ATP6V0A1: variants seen among roughly 807,000 people sequenced by gnomAD.
The protein encoded by ATP6V0A1 is ATPase H+ transporting V0 subunit a1.
A neutral mutation model predicts 105.4 loss-of-function variants in ATP6V0A1; 43 were observed. That is an observed-to-expected ratio of 0.41 (90% confidence interval 0.32 to 0.53). The LOEUF (loss-of-function observed/expected upper bound fraction) is 0.53. ATP6V0A1 is among the 20% of genes least tolerant of loss of function. ATP6V0A1 has a pLI of 0.30. For synonymous variants in ATP6V0A1, 362 were observed against 372.8 expected (o/e 0.97, Z 0.33); for missense variants, 676 against 1,051.1 (o/e 0.64, Z 4.93).
chr17:42,461,822 A>T (rs1228279957), intron 2 of ATP6V0A1, among the ~76,000 whole-genome samples: 1 of 152,152 alleles, frequency 6.6e-6, no homozygotes, highest in African/African-American at 2.4e-5. Flanking sequence ...GCAGTTCTTC[A>T]TCTGGTCCTA....
intron 14 of ATP6V0A1, among the ~76,000 whole-genome samples, chr17:42,497,617 G>A (rs1332507335): frequency 4.6e-5 from 7 of 151,072 alleles, no homozygotes; most frequent in Admixed American, 4.6e-4. Context: ...AGGTTGTAGC[G>A]AGCCGAGATC....
chr17:42,520,964 G>A, intron 21 of ATP6V0A1, 63 bp from the exon 22 acceptor site: 1 of 1,424,738 alleles, frequency 7.0e-7, no homozygotes. Context: ...GCCCAACTGT[G>A]AAGTCCTAAA....
intron 21 of ATP6V0A1, among the ~76,000 whole-genome samples, chr17:42,515,785 T>C (rs2092598596): frequency 6.6e-6 from 1 of 152,134 alleles, no homozygotes; most frequent in Non-Finnish European, 1.5e-5. Context: ...TGAAACTCGG[T>C]CTCAAAAAAT....
intron 17 of ATP6V0A1, 152 bp from the exon 18 acceptor site, chr17:42,507,368 G>A: frequency 1.7e-6 from 1 of 590,638 alleles, no homozygotes; most frequent in East Asian, 3.0e-5. Flanking sequence ...ACAGTTGTTT[G>A]ATTTTACTTA....
chr17:42,461,769 C>CAA (rs2086434567), intron 2 of ATP6V0A1, among the ~76,000 whole-genome samples: 1 of 152,016 alleles, frequency 6.6e-6, no homozygotes, highest in South Asian at 2.1e-4. Context: ...GACTCCGTCT[C>CAA]AAACAACAAC....
intron 19 of ATP6V0A1, among the ~76,000 whole-genome samples, chr17:42,509,386 G>A (rs1599087258): frequency 6.6e-6 from 1 of 152,068 alleles, no homozygotes; most frequent in Non-Finnish European, 1.5e-5. Flanking sequence ...TCTTCCCCCA[G>A]CACTTCTCTC....
intron 5 of ATP6V0A1, among the ~76,000 whole-genome samples, chr17:42,477,385 A>AT (rs1475429823): frequency 6.6e-6 from 1 of 151,848 alleles, no homozygotes; most frequent in Admixed American, 6.6e-5. Context: ...CCATCACTTA[A>AT]TTTTTTTTCC....
At position 42,499,041 on chromosome 17, in the gene ATP6V0A1, A is replaced by G. The variant is rs975275755; in HGVS notation, c.1678A>G (p.Ile560Val). The change falls in exon 15 of 22, where the codon ATC becomes GTC. Residue 560 changes from isoleucine to valine, a missense_variant and splice_region_variant. Physicochemically the swap from Ile to Val is conservative, Grantham distance 29. This residue lies in a region of ATP6V0A1 where 435 missense variants were observed against 642.2 expected (regional missense o/e 0.68). Coordinates refer to ENST00000343619, the MANE Select transcript of ATP6V0A1 (RefSeq NM_001130021.3). ...AGTCAGCCTGAGTCTGTTCAACCAT[A>G]TGTGAGTTGTTCCATTTCTGTCATA... is the stretch of plus-strand genomic sequence containing the variant. ...FGVSLSLFNH[I>V]YFKKPLNIYF... 2.5e-6 allele frequency: 4 copies of G among 1,581,816 alleles called. No homozygotes were observed. Among genetic ancestry groups the G allele is most frequent in the Non-Finnish European group, 3.5e-6 (4 of 1,152,392 alleles).
At chr17:42,467,379 A>G (rs971308226) in intron 3 of ATP6V0A1, among the ~76,000 whole-genome samples, 8 of 152,304 alleles carry the variant, frequency 5.3e-5, no homozygotes, top group Middle Eastern at 6.8e-3. Context: ...TCAAAAGTCC[A>G]TGATCTTGCC....
chr17:42,495,830 T>C, intron 14 of ATP6V0A1, 114 bp downstream of exon 14: 4 of 923,358 alleles, frequency 4.3e-6, no homozygotes, highest in Non-Finnish European at 6.7e-6. Context: ...GCATGGTCGC[T>C]CATGCCTGTA....
At position 42,495,058 on chromosome 17, in the gene ATP6V0A1, C is replaced by T. The variant is rs867971055; in HGVS notation, c.1339C>T (p.Arg447Ter). Reference sequence around the variant, plus strand: ...GATGTTTAGCACTGTGTTCAGTGGTCGATACATTATTTTATTGATGGGTGT... The same window carrying T: ...GATGTTTAGCACTGTGTTCAGTGGTTGATACATTATTTTATTGATGGGTGT... ...NEMFSTVFSG[R>*]YIILLMGVFS... The change falls in exon 13 of 22, where the codon CGA (arginine) becomes TGA (stop). Residue 447 changes from arginine (R) to a stop codon, truncating the protein, a stop_gained. Coordinates refer to ENST00000343619, the MANE Select transcript of ATP6V0A1 (RefSeq NM_001130021.3). LOFTEE classifies it high-confidence loss of function. The T allele has an allele frequency of 6.2e-7, 1 of 1,613,924 alleles. No individual in the cohort carries two copies.
At chr17:42,489,387 A>G (rs1041082447) in intron 10 of ATP6V0A1, among the ~76,000 whole-genome samples, 1 of 152,066 alleles carries the variant, frequency 6.6e-6, no homozygotes, top group African/African-American at 2.4e-5. Context: ...GGCTCAAAGC[A>G]GTTTTAAAAG....
chr17:42,473,304 G>C (rs1424063979), intron 5 of ATP6V0A1, among the ~76,000 whole-genome samples: 1 of 152,158 alleles, frequency 6.6e-6, no homozygotes, highest in Non-Finnish European at 1.5e-5. Context: ...TAATGAACCT[G>C]GAATTCCAGC....
At chr17:42,476,929 C>T (rs1401634973) in intron 5 of ATP6V0A1, among the ~76,000 whole-genome samples, 1 of 152,160 alleles carries the variant, frequency 6.6e-6, no homozygotes, top group Non-Finnish European at 1.5e-5. Flanking sequence ...TATGTTTTTA[C>T]AGGCCTGCCC....
chr17:42,480,942 G>T lies in ATP6V0A1; in HGVS notation c.716+193G>T, dbSNP rs8080161. The T allele has an allele frequency of 1.6e-3, 715 of 456,244 alleles. 7 individuals are homozygous for T. Among genetic ancestry groups the T allele is most frequent in the African/African-American group, 0.013 (653 of 48,508 alleles). The allele number at this position is 456,244 out of a possible 1,614,324, so 28.3% of individuals were successfully genotyped here. A position where few individuals can be genotyped will look rare whatever the true frequency, so the allele number is the denominator to read the frequency against. ...TTATTTTTATTTTTGTTGTTCAGAT[G>T]GGGGGGTCTCACTCTGTTGCCCAGG... On this transcript the variant is annotated intron_variant, in intron 8 of 21. Coordinates refer to ENST00000343619, the MANE Select transcript of ATP6V0A1 (RefSeq NM_001130021.3).
At position 42,500,565 on chromosome 17, in the gene ATP6V0A1, C is replaced by T. The variant is rs192630600; in HGVS notation, c.1680-142C>T. 3.9e-3 allele frequency: 2,580 copies of T among 666,098 alleles called. 16 individuals are homozygous for T. The highest frequency in any genetic ancestry group is 8.7e-3 in the Middle Eastern group (21 of 2,408). The allele number at this position is 666,098 out of a possible 1,614,324, so 41.3% of individuals were successfully genotyped here. A position where few individuals can be genotyped will look rare whatever the true frequency, so the allele number is the denominator to read the frequency against. ...AATCCTGCATTGTCTCTGTTGTCTC[C>T]AGCTTCTGGTTGCTGCTGCTTAAAG... On this transcript the variant is annotated intron_variant, in intron 15 of 21. Transcript: ENST00000343619.
chr17:42,480,185 C>G (rs548774214), intron 7 of ATP6V0A1: 1 of 152,378 alleles, frequency 6.6e-6, no homozygotes, highest in East Asian at 1.9e-4. Flanking sequence ...TTACCTTCCT[C>G]CCTGCCCCAT....
intron 11 of ATP6V0A1, among the ~76,000 whole-genome samples, chr17:42,491,746 G>T (rs892564742): frequency 6.6e-6 from 1 of 152,178 alleles, no homozygotes; most frequent in Non-Finnish European, 1.5e-5. Context: ...GCCTCCCCAA[G>T]TGCTGGGATT....
chr17:42,506,572 G>A (rs934202344), intron 17 of ATP6V0A1, among the ~76,000 whole-genome samples: 3 of 152,248 alleles, frequency 2.0e-5, no homozygotes, highest in Admixed American at 6.5e-5. Flanking sequence ...TTGAGCTCTT[G>A]CCTTGTTTGG....
Sources: allele counts gnomAD v4.1 joint callset (sites outside exome capture counted in the v4.1 genomes callset), GRCh38; gene constraint gnomAD v4.1.1; regional missense constraint gnomAD v4.1.1; transcripts MANE v1.5; gene names NCBI Gene and HGNC (gene_info 2026-07-23, HGNC 2026-07-21).